The following CDH12 variants were observed in gnomAD, a reference collection of about 807,000 sequenced individuals.
The protein encoded by CDH12 is cadherin 12.
CDH12 carries 41 observed loss-of-function variants against 74.1 expected under a neutral mutation model. The observed-to-expected ratio is 0.55, with a 90% CI of 0.43 to 0.72. The LOEUF (loss-of-function observed/expected upper bound fraction) is 0.72, where lower values mean the gene tolerates loss of function less well. Ranked by LOEUF, CDH12 falls within the 30% of genes least tolerant of loss-of-function variation. The pLI, the probability that CDH12 is intolerant of heterozygous loss-of-function variation, is 0.00. For synonymous variants in CDH12, 399 were observed against 355.0 expected (o/e 1.12, Z -1.39); for missense variants, 945 against 977.2 (o/e 0.97, Z 0.44).
Position 21,755,717 on chromosome 5 carries a change from T to C in CDH12, c.1759A>G (p.Ile587Val). 1 of 1,614,138 alleles carries C rather than the reference T, an allele frequency of 6.2e-7. No individual in the cohort carries two copies. Among genetic ancestry groups the C allele is most frequent in the Non-Finnish European group, 8.5e-7 (1 of 1,180,008 alleles). The stretch of plus-strand genomic sequence containing the variant: ...TCAGAGTCACATCTACAGACTCGAA[T>C]AGTCATTGTGTTTGTGCTGCTCTGG... ...PVQSSTNTMT[I>V]RVCRCDSDGT... is the part of the protein sequence containing the mutation. Residue 587 changes from isoleucine (I) to valine (V), a missense_variant, in exon 14 of 15, where the codon ATT becomes GTT. By Grantham distance (29) the Ile-to-Val change is conservative. Coordinates refer to ENST00000382254, the MANE Select transcript of CDH12 (RefSeq NM_004061.5).
intron 4 of CDH12, among the ~76,000 whole-genome samples, chr5:22,191,562 TTTTA>T (rs1291472551): frequency 0.44 from 31,786 of 71,682 alleles, 7,268 homozygotes; most frequent in East Asian, 0.66. Flanking sequence ...GTCTTTTTAT[TTTTA>T]TTTTTTTTTT....
chr5:22,051,490 G>A (rs62349099), intron 5 of CDH12, among the ~76,000 whole-genome samples: 2 of 152,182 alleles, frequency 1.3e-5, no homozygotes, highest in African/African-American at 4.8e-5. Context: ...GTTGCTGTTG[G>A]ATAAATCAAT....
intron 5 of CDH12, among the ~76,000 whole-genome samples, chr5:21,995,035 C>T (rs1224564615): frequency 2.0e-5 from 3 of 152,110 alleles, no homozygotes; most frequent in Admixed American, 6.6e-5. Context: ...GTAACACTCA[C>T]GGTGAGGGTC....
chr5:22,689,849 A>G (rs1306435833), intron 1 of CDH12, among the ~76,000 whole-genome samples: 3 of 152,104 alleles, frequency 2.0e-5, no homozygotes, highest in Admixed American at 1.3e-4. Flanking sequence ...ATGAGTGGAC[A>G]AAGTCATGGG....
intron 6 of CDH12, among the ~76,000 whole-genome samples, chr5:21,862,708 A>G (rs1751110030): frequency 6.6e-6 from 1 of 152,172 alleles, no homozygotes; most frequent in Admixed American, 6.5e-5. Context: ...TTTCCATTGG[A>G]AGTATTAAAT....
At chr5:21,987,651 T>C (rs1201151380) in intron 5 of CDH12, among the ~76,000 whole-genome samples, 1 of 152,236 alleles carries the variant, frequency 6.6e-6, no homozygotes, top group Non-Finnish European at 1.5e-5. Flanking sequence ...TGACTGATAC[T>C]GAGGGAAGTG....
At chr5:22,115,527 A>G (rs182568748) in intron 4 of CDH12, among the ~76,000 whole-genome samples, 1 of 152,232 alleles carries the variant, frequency 6.6e-6, no homozygotes, top group Admixed American at 6.5e-5. Flanking sequence ...TACCATTCAT[A>G]AAATATACAT....
chr5:21,810,016 G>T (rs4639176), intron 9 of CDH12, among the ~76,000 whole-genome samples: 100,648 of 151,928 alleles, frequency 0.66, 35,298 homozygotes, highest in Non-Finnish European at 0.78. Context: ...ATATGGGACA[G>T]GGAGTTCTAT....
chr5:22,054,573 G>T (rs1245324181), intron 5 of CDH12, among the ~76,000 whole-genome samples: 2 of 151,930 alleles, frequency 1.3e-5, no homozygotes, highest in African/African-American at 4.8e-5. Flanking sequence ...TGACCATTTT[G>T]GCAAAGATCT....
intron 2 of CDH12, among the ~76,000 whole-genome samples, chr5:22,483,322 C>T (rs1008412956): frequency 2.0e-5 from 3 of 151,966 alleles, no homozygotes; most frequent in African/African-American, 7.2e-5. Flanking sequence ...TTGAAAACTA[C>T]AATATATATG....
At chr5:21,787,950 AT>A (rs1398608325) in intron 10 of CDH12, among the ~76,000 whole-genome samples, 1 of 152,184 alleles carries the variant, frequency 6.6e-6, no homozygotes, top group East Asian at 1.9e-4. Flanking sequence ...TAATAAGAAA[AT>A]TGCCACTGAA....
chr5:22,187,773 A>C (rs1750046243), intron 4 of CDH12, among the ~76,000 whole-genome samples: 1 of 152,080 alleles, frequency 6.6e-6, no homozygotes, highest in Non-Finnish European at 1.5e-5. Flanking sequence ...TTTATCACTT[A>C]TGAGTTCATG....
chr5:22,522,412 T>C (rs1245994650), intron 1 of CDH12, among the ~76,000 whole-genome samples: 1 of 152,214 alleles, frequency 6.6e-6, no homozygotes, highest in African/African-American at 2.4e-5. Context: ...CATTGTCTAC[T>C]ATTGCTCTGG....
At chr5:22,075,785 G>T (rs1742277218) in intron 5 of CDH12, among the ~76,000 whole-genome samples, 1 of 152,030 alleles carries the variant, frequency 6.6e-6, no homozygotes, top group African/African-American at 2.4e-5. Context: ...CCCCCAAGTT[G>T]TCCAATGGTG....
At chr5:22,751,339 C>CATATATATAT (rs10616177) in intron 1 of CDH12, among the ~76,000 whole-genome samples, 1 of 145,254 alleles carries the variant, frequency 6.9e-6, no homozygotes, top group African/African-American at 2.5e-5. Flanking sequence ...ATATAATATA[C>CATATATATAT]ATATATATAT....
chr5:22,839,352 C>CTTTTTT (rs1293903338), intron 1 of CDH12, among the ~76,000 whole-genome samples: 12 of 120,242 alleles, frequency 1.0e-4, no homozygotes, highest in Non-Finnish European at 1.7e-4. Context: ...AATTACTTGT[C>CTTTTTT]TTTTTTTTTT....
At chr5:21,853,327 A>G (rs1273709908) in intron 7 of CDH12, among the ~76,000 whole-genome samples, 1 of 151,612 alleles carries the variant, frequency 6.6e-6, no homozygotes, top group African/African-American at 2.4e-5. Context: ...TCTTTGTCCT[A>G]AGCCATTCTG....
chr5:22,809,124 A>G (rs1229995414), intron 1 of CDH12, among the ~76,000 whole-genome samples: 1 of 151,810 alleles, frequency 6.6e-6, no homozygotes, highest in Non-Finnish European at 1.5e-5. Flanking sequence ...AATTCTGATG[A>G]GCCTACAGTT....
chr5:22,333,879 A>G (rs1004803308), intron 3 of CDH12, among the ~76,000 whole-genome samples: 1 of 152,216 alleles, frequency 6.6e-6, no homozygotes, highest in African/African-American at 2.4e-5. Context: ...GAAGCACAAA[A>G]ACCACATGAT....
Sources: allele counts gnomAD v4.1 joint callset (sites outside exome capture counted in the v4.1 genomes callset), GRCh38; gene constraint gnomAD v4.1.1; transcripts MANE v1.5; gene names NCBI Gene and HGNC (gene_info 2026-07-23, HGNC 2026-07-21).